CDH18: variants seen among roughly 807,000 people sequenced by gnomAD.
CDH18 encodes the protein cadherin-18.
Under a neutral mutation model 67.9 loss-of-function variants are expected in CDH18, and 31 were observed. The ratio of observed to expected loss-of-function variants is 0.46; its 90% CI spans 0.34 to 0.62. The LOEUF (loss-of-function observed/expected upper bound fraction) is 0.62. Ranked by LOEUF, CDH18 falls within the 20% of genes least tolerant of loss-of-function variation. The pLI, the probability that CDH18 is intolerant of heterozygous loss-of-function variation, is 0.01. For missense variants in CDH18, 890 were observed against 975.5 expected (o/e 0.91, Z 1.17); for synonymous variants, 362 against 347.2 (o/e 1.04, Z -0.48).
intron 2 of CDH18, among the ~76,000 whole-genome samples, chr5:20,076,360 A>G (rs1743937694): frequency 6.6e-6 from 1 of 152,110 alleles, no homozygotes; most frequent in South Asian, 2.1e-4. Context: ...AAAAGTAACT[A>G]CATTAGATTG....
At chr5:19,887,931 A>G (rs187711535) in intron 2 of CDH18, among the ~76,000 whole-genome samples, 30 of 152,116 alleles carry the variant, frequency 2.0e-4, no homozygotes, top group Admixed American at 1.8e-3. Flanking sequence ...TGAATTGAAT[A>G]TTCAGTTGAT....
At chr5:19,974,152 T>C (rs1009496779) in intron 2 of CDH18, among the ~76,000 whole-genome samples, 6 of 152,050 alleles carry the variant, frequency 3.9e-5, no homozygotes, top group Non-Finnish European at 8.8e-5. Flanking sequence ...GACAAAGGTG[T>C]AAAGGATCTT....
intron 3 of CDH18, among the ~76,000 whole-genome samples, chr5:19,805,741 C>T (rs564102306): frequency 3.9e-5 from 6 of 152,146 alleles, no homozygotes; most frequent in South Asian, 2.1e-4. Flanking sequence ...GACACAAAGT[C>T]GTGTCAATTC....
intron 1 of CDH18, among the ~76,000 whole-genome samples, chr5:20,346,416 G>A (rs10039878): frequency 0.055 from 8,363 of 152,230 alleles, 330 homozygotes; most frequent in African/African-American, 0.098. Flanking sequence ...CCTTACAAAA[G>A]GAAAGAGCTT....
At chr5:20,447,308 A>T (rs1750075430) in intron 1 of CDH18, among the ~76,000 whole-genome samples, 1 of 152,044 alleles carries the variant, frequency 6.6e-6, no homozygotes. Flanking sequence ...GATGTTATTA[A>T]GAGGCGAAGC....
chr5:20,087,458 G>A (rs908620155), intron 2 of CDH18, among the ~76,000 whole-genome samples: 16 of 145,688 alleles, frequency 1.1e-4, no homozygotes, highest in African/African-American at 3.5e-4. Context: ...AGTATTCCAC[G>A]TGACAGAGAA....
chr5:19,648,475 A>G (rs1413105401), intron 5 of CDH18, among the ~76,000 whole-genome samples: 1 of 152,126 alleles, frequency 6.6e-6, no homozygotes, highest in Non-Finnish European at 1.5e-5. Flanking sequence ...ATGATCTAGA[A>G]TGTCTCCTAA....
chr5:20,550,140 A>G (rs1033922159), intron 1 of CDH18, among the ~76,000 whole-genome samples: 1 of 152,194 alleles, frequency 6.6e-6, no homozygotes, highest in Non-Finnish European at 1.5e-5. Context: ...TAAAGATTGA[A>G]CTACATACTA....
intron 1 of CDH18, among the ~76,000 whole-genome samples, chr5:20,300,700 A>G (rs1288025530): frequency 6.6e-6 from 1 of 152,138 alleles, no homozygotes; most frequent in Admixed American, 6.6e-5. Flanking sequence ...CATTGACTCT[A>G]TGGGAGGGCT....
intron 3 of CDH18, among the ~76,000 whole-genome samples, chr5:19,781,102 A>G (rs1561287056): frequency 6.6e-6 from 1 of 152,292 alleles, no homozygotes; most frequent in Middle Eastern, 3.4e-3. Context: ...ACTACAATTA[A>G]AAGTTTGTTC....
intron 2 of CDH18, among the ~76,000 whole-genome samples, chr5:20,175,453 C>T (rs1737158391): frequency 6.6e-6 from 1 of 152,130 alleles, no homozygotes; most frequent in Non-Finnish European, 1.5e-5. Flanking sequence ...ACAATCATCA[C>T]CAAAGAGCCT....
At chr5:20,475,558 T>C (rs776428959) in intron 1 of CDH18, among the ~76,000 whole-genome samples, 4 of 152,324 alleles carry the variant, frequency 2.6e-5, no homozygotes, top group South Asian at 4.1e-4. Context: ...AGGAAAGCCA[T>C]TGATTTTGCA....
chr5:19,716,899 T>A (rs577899607), intron 5 of CDH18, among the ~76,000 whole-genome samples: 109 of 152,168 alleles, frequency 7.2e-4, no homozygotes, highest in African/African-American at 2.5e-3. Context: ...AAAGACTGTA[T>A]GAAAAATGAT....
At chr5:20,419,462 G>GTTTTTTTTTTTTTTTTTTTTTTT (rs202130030) in intron 1 of CDH18, among the ~76,000 whole-genome samples, 1 of 75,646 alleles carries the variant, frequency 1.3e-5, no homozygotes, top group African/African-American at 6.1e-5. Flanking sequence ...ATGGGACTCT[G>GTTTTTTTTTTTTTTTTTTTTTTT]TTTTTTTTTT....
chr5:20,100,083 T>C (rs1366611169), intron 2 of CDH18, among the ~76,000 whole-genome samples: 1 of 152,076 alleles, frequency 6.6e-6, no homozygotes, highest in East Asian at 1.9e-4. Flanking sequence ...CCATGCCCGG[T>C]TTCTAATTTT....
At chr5:20,072,574 A>G (rs1254178189) in intron 2 of CDH18, among the ~76,000 whole-genome samples, 3 of 151,978 alleles carry the variant, frequency 2.0e-5, no homozygotes, top group African/African-American at 7.2e-5. Context: ...ATATTTTAAA[A>G]CAAATCAATC....
chr5:19,776,946 C>T (rs1052605023), intron 3 of CDH18, among the ~76,000 whole-genome samples: 3 of 152,138 alleles, frequency 2.0e-5, no homozygotes, highest in Admixed American at 1.3e-4. Context: ...TGAAATATTA[C>T]ACAACATAAT....
chr5:20,002,224 T>C (rs1210116916), intron 2 of CDH18, among the ~76,000 whole-genome samples: 2 of 152,362 alleles, frequency 1.3e-5, no homozygotes, highest in South Asian at 2.1e-4. Flanking sequence ...TGAAACATCA[T>C]TGGCCCCATT....
intron 2 of CDH18, among the ~76,000 whole-genome samples, chr5:20,189,621 G>T (rs762947910): frequency 6.6e-6 from 1 of 152,146 alleles, no homozygotes; most frequent in Non-Finnish European, 1.5e-5. Context: ...GAGAGGATAA[G>T]TTATTGAACC....
Sources: gnomAD v4.1 joint callset for allele counts (sites outside exome capture counted in the v4.1 genomes callset) on GRCh38, gnomAD v4.1.1 for gene constraint, MANE v1.5 for transcripts, NCBI Gene and HGNC (gene_info 2026-07-23, HGNC 2026-07-21) for gene names.